Variants in BRCA2 observed in about 807,000 individuals in gnomAD.
The protein encoded by BRCA2 is BRCA2 DNA repair associated.
Under a neutral mutation model 276.7 loss-of-function variants are expected in BRCA2, and 203 were observed. That is an observed-to-expected ratio of 0.73 (90% CI 0.65 to 0.82). The LOEUF (loss-of-function observed/expected upper bound fraction) is 0.82, where lower values mean the gene tolerates loss of function less well. Among genes scored for constraint, BRCA2 ranks in the 40% least tolerant of loss-of-function variants. The probability of loss-of-function intolerance (pLI) is 0.00; values close to 1 mark genes in which losing one functional copy is unlikely to be tolerated. For synonymous variants in BRCA2, 1,289 were observed against 1,338.4 expected (o/e 0.96, Z 0.81); for missense variants, 3,920 against 3,915.0 (o/e 1.00, Z -0.03).
At chr13:32,318,985 A>C (rs1433416508) in intron 2 of BRCA2, 92 bp from the exon 3 acceptor site, 21 of 1,504,074 alleles carry the variant, frequency 1.4e-5, no homozygotes, top group Non-Finnish European at 1.9e-5. Flanking sequence ...TCAAGATCTT[A>C]AGCATTTTTT....
At position 32,340,786 on chromosome 13, in the gene BRCA2, A is replaced by G. The variant is rs780049848; in HGVS notation, c.6431A>G (p.Glu2144Gly). 1 of 1,594,742 alleles carries G rather than the reference A, an allele frequency of 6.3e-7. No homozygotes were observed. The highest frequency in any genetic ancestry group is 8.5e-7 in the Non-Finnish European group (1 of 1,174,484). ...TTAAATGTTGAAGGTGGTTCTTCAG[A>G]AAATAATCACTCTATTAAAGTTTCT... ...NNLNVEGGSS[E>G]NNHSIKVSPY... The change falls in exon 11 of 27, where the codon GAA becomes GGA. Residue 2144 changes from glutamate (E) to glycine (G), a missense_variant. Transcript: ENST00000380152.
intron 24 of BRCA2, among the ~76,000 whole-genome samples, chr13:32,381,200 A>G (rs998540956): frequency 6.6e-6 from 1 of 152,184 alleles, no homozygotes; most frequent in Non-Finnish European, 1.5e-5. Flanking sequence ...AATGACTGTT[A>G]TGTGCTAGAC....
chr13:32,337,817 C>T lies in BRCA2; in HGVS notation c.3462C>T (p.Thr1154=), dbSNP rs4986856. 1.2e-4 allele frequency: 190 copies of T among 1,613,886 alleles called. No individual in the cohort carries two copies. The highest frequency in any genetic ancestry group is 1.6e-4 in the Non-Finnish European group (185 of 1,179,972). ...VPENQMTILK[T]TSEECRDADL... ...AAAACCAGATGACTATCTTAAAGAC[C>T]ACTTCTGAGGAATGCAGAGATGCTG... Residue 1154 remains threonine, a synonymous_variant, in exon 11 of 27, where the codon ACC becomes ACT. Transcript: ENST00000380152.
intron 17 of BRCA2, 23 bp from the exon 18 acceptor site, chr13:32,363,156 T>G (rs113433416): frequency 1.9e-6 from 3 of 1,585,400 alleles, no homozygotes; most frequent in Non-Finnish European, 2.6e-6. Flanking sequence ...TCCTAAAATA[T>G]GCATTTTTGT....
chr13:32,360,647 T>C (rs530627526), intron 16 of BRCA2, among the ~76,000 whole-genome samples: 2 of 152,288 alleles, frequency 1.3e-5, no homozygotes, highest in East Asian at 3.9e-4. Context: ...TGTGAGCCAC[T>C]GTGTCCAGCC....
Position 32,332,396 on chromosome 13 carries a change from T to C in BRCA2, c.918T>C (p.Asp306=), listed in dbSNP as rs184408918. ...CAGTTGTAGATACCTCTGAAGAAGA[T>C]AGTTTTTCATTATGTTTTTCTAAAT... ...YETVVDTSEE[D]SFSLCFSKCR... The change falls in exon 10 of 27, where the codon GAT becomes GAC. Residue 306 remains aspartate, a synonymous_variant. Coordinates refer to ENST00000380152, the MANE Select transcript of BRCA2 (RefSeq NM_000059.4). 9.4e-6 allele frequency: 15 copies of C among 1,591,562 alleles called. No homozygotes were observed. The Admixed American group carries it at 1.1e-4, about 11-fold the overall frequency.
chr13:32,346,042 A>G (rs2072608854), intron 12 of BRCA2, among the ~76,000 whole-genome samples: 1 of 151,918 alleles, frequency 6.6e-6, no homozygotes, highest in African/African-American at 2.4e-5. Context: ...TTTGTTTTCA[A>G]TTTTAGGATT....
Position 32,363,264 on chromosome 13 carries a change from C to G in BRCA2, c.8062C>G (p.Leu2688Val), listed in dbSNP as rs2137580393. 3 of 1,614,106 alleles carry G rather than the reference C, an allele frequency of 1.9e-6. No homozygotes were observed. The South Asian group carries it at 3.3e-5, about 18-fold the overall frequency. ...TGACACAGCTGCAAAAACACTTGTT[C>G]TCTGTGTTTCTGACATAATTTCATT... ...RDDTAAKTLV[L>V]CVSDIISLSA... is the part of the protein sequence containing the mutation. The change falls in exon 18 of 27, where the codon CTC (leucine) becomes GTC (valine). Residue 2688 changes from leucine to valine, a missense_variant. Coordinates refer to ENST00000380152, the MANE Select transcript of BRCA2 (RefSeq NM_000059.4).
Position 32,354,874 on chromosome 13 carries a change from C to T in BRCA2, c.7021C>T (p.Arg2341Cys), listed in dbSNP as rs41293505. Residue 2341 changes from arginine to cysteine, a missense_variant, in exon 14 of 27, where the codon CGT (arginine) becomes TGT (cysteine). This residue lies in a region of BRCA2 where 3,263 missense variants were observed against 3,156.9 expected (regional missense o/e 1.03). Coordinates refer to ENST00000380152, the MANE Select transcript of BRCA2 (RefSeq NM_000059.4). Reference sequence around the variant, plus strand: ...TCCCCATTGCAGCACAACTAAGGAACGTCAAGAGATACAGAATCCAAATTT... The same window carrying T: ...TCCCCATTGCAGCACAACTAAGGAATGTCAAGAGATACAGAATCCAAATTT... ...TCVPFRTTKE[R>C]QEIQNPNFTA... The T allele has an allele frequency of 1.1e-5, 18 of 1,590,486 alleles. No homozygotes were observed. Among genetic ancestry groups the T allele is most frequent in the East Asian group, 4.5e-5 (2 of 44,728 alleles).
chr13:32,375,884 C>T (rs184212818), intron 20 of BRCA2, among the ~76,000 whole-genome samples: 3 of 152,148 alleles, frequency 2.0e-5, no homozygotes, highest in Admixed American at 2.0e-4. Flanking sequence ...AATAATAAGA[C>T]TTGAAAGTTG....
intron 11 of BRCA2, among the ~76,000 whole-genome samples, chr13:32,342,045 G>A (rs1027138661): frequency 1.3e-5 from 2 of 152,178 alleles, no homozygotes; most frequent in Admixed American, 6.5e-5. Flanking sequence ...GCCGAGGTGG[G>A]TGGATCACCT....
intron 24 of BRCA2, among the ~76,000 whole-genome samples, chr13:32,391,597 G>A (rs550614602): frequency 2.0e-5 from 3 of 152,318 alleles, no homozygotes; most frequent in Admixed American, 1.3e-4. Context: ...AGGTGGAATC[G>A]GTGACAGTGG....
rs921017191 is a variant in BRCA2 at position 32,363,195 on chromosome 13, G to T, written c.7993G>T (p.Asp2665Tyr). 1 of 1,613,640 alleles carries T rather than the reference G, an allele frequency of 6.2e-7. No homozygotes were observed. The highest frequency in any genetic ancestry group is 1.7e-4 in the Middle Eastern group (1 of 6,058). The stretch of plus-strand genomic sequence containing the variant: ...CACTTTTAGATATGATACGGAAATT[G>T]ATAGAAGCAGAAGATCGGCTATAAA... ...QLKYRYDTEIDRSRRSAIKKI... is the reference protein window; with the variant it reads ...QLKYRYDTEIYRSRRSAIKKI... The change falls in exon 18 of 27, where the codon GAT (aspartate) becomes TAT (tyrosine). Residue 2665 changes from aspartate to tyrosine, a missense_variant. Asp to Tyr is a radical substitution (Grantham distance 160, BLOSUM62 -3). Coordinates refer to ENST00000380152, the MANE Select transcript of BRCA2 (RefSeq NM_000059.4).
chr13:32,361,518 T>A (rs2072737207), intron 16 of BRCA2, among the ~76,000 whole-genome samples: 1 of 152,170 alleles, frequency 6.6e-6, no homozygotes, highest in African/African-American at 2.4e-5. Flanking sequence ...TAGTTTTGGC[T>A]TGTTTTAAGG....
intron 24 of BRCA2, chr13:32,386,031 TG>T (rs1244279332): frequency 5.3e-6 from 1 of 190,150 alleles, no homozygotes; most frequent in African/African-American, 2.3e-5. Context: ...AAAGGAAACA[TG>T]AATGAAGCTC....
rs1225836672 is a variant in BRCA2, at chr13:32,379,358, C to G, written c.8796C>G (p.His2932Gln). ...AGCAGTTAAGAGCCTTGAATAATCA[C>G]AGGCAAATGTTGAATGATAAGAAAC... ...SEEQLRALNN[H>Q]RQMLNDKKQA... Residue 2932 changes from histidine (H) to glutamine (Q), a missense_variant, in exon 22 of 27, where the codon CAC becomes CAG. This residue lies in a region of BRCA2 where 657 missense variants were observed against 758.2 expected (regional missense o/e 0.87). Transcript: ENST00000380152. The G allele has an allele frequency of 1.2e-6, 2 of 1,613,762 alleles. No individual in the cohort carries two copies. The highest frequency in any genetic ancestry group is 1.7e-6 in the Non-Finnish European group (2 of 1,179,836).
chr13:32,336,471 G>A lies in BRCA2; in HGVS notation c.2116G>A (p.Ala706Thr), dbSNP rs1453451895. Residue 706 changes from alanine (A) to threonine (T), a missense_variant, in exon 11 of 27, where the codon GCT becomes ACT. Transcript: ENST00000380152. ...EKLQLFITPEADSLSCLQEGQ... is the reference protein window; with the variant it reads ...EKLQLFITPETDSLSCLQEGQ... The stretch of plus-strand genomic sequence containing the variant: ...ACTACAGTTATTTATTACCCCAGAA[G>A]CTGATTCTCTGTCATGCCTGCAGGA... The A allele has an allele frequency of 6.8e-6, 11 of 1,614,040 alleles. No individual in the cohort carries two copies. Among genetic ancestry groups the A allele is most frequent in the Non-Finnish European group, 9.3e-6 (11 of 1,180,008 alleles).
intron 24 of BRCA2, among the ~76,000 whole-genome samples, chr13:32,384,156 T>C (rs958341167): frequency 1.3e-5 from 2 of 152,022 alleles, no homozygotes; most frequent in African/African-American, 4.8e-5. Flanking sequence ...ACTGAGTGTT[T>C]TTAGAGTGGG....
In BRCA2 at chr13:32,340,222, A is replaced by G. The variant is rs1309562690; in HGVS notation, c.5867A>G (p.Asp1956Gly). Residue 1956 changes from aspartate to glycine, a missense_variant, in exon 11 of 27, where the codon GAT (aspartate) becomes GGT (glycine). Asp to Gly is a moderately conservative substitution (Grantham distance 94, BLOSUM62 -1). Coordinates refer to ENST00000380152, the MANE Select transcript of BRCA2 (RefSeq NM_000059.4). ...SPCDVSLETS[D>G]ICKCSIGKLH... ...TGTGATGTTAGTTTGGAAACTTCAG[A>G]TATATGTAAATGTAGTATAGGGAAG... 6.2e-7 allele frequency: 1 copy of G among 1,614,002 alleles called. No individual in the cohort carries two copies. The highest frequency in any genetic ancestry group is 8.5e-7 in the Non-Finnish European group (1 of 1,179,910).
Sources: gnomAD v4.1 joint callset for allele counts (sites outside exome capture counted in the v4.1 genomes callset) on GRCh38, gnomAD v4.1.1 for gene constraint, gnomAD v4.1.1 regional missense constraint, MANE v1.5 for transcripts, NCBI Gene and HGNC (gene_info 2026-07-23, HGNC 2026-07-21) for gene names.